SP140: variants seen among roughly 807,000 people sequenced by gnomAD.
SP140 encodes the protein nuclear body protein SP140.
A neutral mutation model predicts 125.0 loss-of-function variants in SP140; 81 were observed. That is an observed-to-expected ratio of 0.65 (90% CI 0.54 to 0.78). SP140 has a LOEUF of 0.78. Ranked by LOEUF, SP140 falls within the 30% of genes least tolerant of loss-of-function variation. The probability of loss-of-function intolerance (pLI) is 0.00; values close to 1 mark genes in which losing one functional copy is unlikely to be tolerated. For synonymous variants in SP140, 312 were observed against 354.0 expected (o/e 0.88, Z 1.33); for missense variants, 858 against 1,037.0 (o/e 0.83, Z 2.37).
At chr2:230,215,468 GC>G (rs2045030742) in intron 3 of SP140, among the ~76,000 whole-genome samples, 1 of 152,202 alleles carries the variant, frequency 6.6e-6, no homozygotes, top group South Asian at 2.1e-4. Flanking sequence ...AAAGCTGTGG[GC>G]AGGATACTTC....
chr2:230,261,261 G>T (rs1326348542), intron 12 of SP140, among the ~76,000 whole-genome samples: 1 of 152,068 alleles, frequency 6.6e-6, no homozygotes, highest in Non-Finnish European at 1.5e-5. Context: ...CTTGGTCACT[G>T]TTGGTATATA....
chr2:230,189,216 C>T, the SP140 span, among the ~76,000 whole-genome samples: 1 of 151,630 alleles, frequency 6.6e-6, no homozygotes, highest in African/African-American at 2.4e-5. Context: ...CTTCTCTCAT[C>T]TTTCTTTTTT....
At chr2:230,217,118 C>T (rs748234347) in intron 3 of SP140, among the ~76,000 whole-genome samples, 6 of 151,770 alleles carry the variant, frequency 4.0e-5, no homozygotes, top group East Asian at 1.9e-4. Context: ...TGGTGGCGCA[C>T]GCCTGTAGTC....
chr2:230,214,123 T>C (rs1411908331), intron 3 of SP140: 4 of 152,254 alleles, frequency 2.6e-5, no homozygotes, highest in Admixed American at 2.6e-4. Context: ...CAACCTAAAA[T>C]GACTTTACTG....
intron 12 of SP140, among the ~76,000 whole-genome samples, chr2:230,268,286 G>A (rs2053423091): frequency 6.6e-6 from 1 of 152,080 alleles, no homozygotes; most frequent in South Asian, 2.1e-4. Flanking sequence ...CACTTTGGGA[G>A]GCCGAGATGA....
At chr2:230,241,341 C>A in intron 3 of SP140, 63 bp from the exon 4 acceptor site, 2 of 994,626 alleles carry the variant, frequency 2.0e-6, no homozygotes, top group Admixed American at 1.7e-5. Flanking sequence ...TCATCTTGAG[C>A]ACACTGAGGT....
intron 1 of SP140, among the ~76,000 whole-genome samples, chr2:230,234,374 T>C (rs955451486): frequency 2.0e-5 from 3 of 152,182 alleles, no homozygotes; most frequent in Non-Finnish European, 4.4e-5. Flanking sequence ...GGAGGTACAA[T>C]CTTACCTTGG....
At chr2:230,199,205 CTT>C (rs35807015), upstream of SP140, among the ~76,000 whole-genome samples, 4 of 89,446 alleles carry the variant, frequency 4.5e-5, no homozygotes, top group Non-Finnish European at 4.2e-5. Context: ...ACATAATCCT[CTT>C]TTTTTTTTTT....
chr2:230,305,217 C>A (rs1206212366), intron 22 of SP140, among the ~76,000 whole-genome samples: 1 of 152,336 alleles, frequency 6.6e-6, no homozygotes, highest in Middle Eastern at 3.4e-3. Flanking sequence ...CCACCTTACT[C>A]CTGCAAGAAT....
At chr2:230,195,938 T>A in the SP140 span, among the ~76,000 whole-genome samples, 1 of 151,958 alleles carries the variant, frequency 6.6e-6, no homozygotes, top group Non-Finnish European at 1.5e-5. Flanking sequence ...AAGCAAAAAA[T>A]ATAAGTTAAA....
intron 9 of SP140, among the ~76,000 whole-genome samples, chr2:230,249,513 T>C (rs1171618623): frequency 3.3e-5 from 5 of 152,076 alleles, no homozygotes; most frequent in African/African-American, 1.2e-4. Flanking sequence ...GAGGAAAATA[T>C]ATAAAATAAG....
intron 15 of SP140, among the ~76,000 whole-genome samples, chr2:230,279,863 TCCTCCTG>T (rs149207840): frequency 0.15 from 23,408 of 151,764 alleles, 2,318 homozygotes; most frequent in South Asian, 0.24. Flanking sequence ...GCTCAAGTAA[TCCTCCTG>T]CCTCAGACTC....
At chr2:230,296,599 G>A (rs758074859) in intron 21 of SP140, among the ~76,000 whole-genome samples, 1 of 152,226 alleles carries the variant, frequency 6.6e-6, no homozygotes, top group Non-Finnish European at 1.5e-5. Context: ...GGACCTTGGA[G>A]GCATTTTATC....
At chr2:230,294,370 T>A in intron 21 of SP140, 52 bp downstream of exon 21, 1 of 1,400,068 alleles carries the variant, frequency 7.1e-7, no homozygotes, top group Non-Finnish European at 1.0e-6. Flanking sequence ...TGATTTAGCA[T>A]GCACAAAATC....
chr2:230,206,182 GCT>G (rs2043777937), intron 1 of SP140, among the ~76,000 whole-genome samples: 1 of 152,076 alleles, frequency 6.6e-6, no homozygotes, highest in African/African-American at 2.4e-5. Flanking sequence ...GCCATCTATT[GCT>G]CTGTTTCCTT....
At chr2:230,264,601 G>C (rs1421601529) in intron 12 of SP140, among the ~76,000 whole-genome samples, 1 of 152,154 alleles carries the variant, frequency 6.6e-6, no homozygotes, top group African/African-American at 2.4e-5. Flanking sequence ...ATTTGGGTAG[G>C]CTCTGTCAGA....
At chr2:230,189,272 G>A in the SP140 span, among the ~76,000 whole-genome samples, 2 of 151,780 alleles carry the variant, frequency 1.3e-5, no homozygotes, top group African/African-American at 4.8e-5. Context: ...ATGACATTAG[G>A]TTGTCAATTT....
downstream of SP140, among the ~76,000 whole-genome samples, chr2:230,315,587 C>T (rs561278714): frequency 5.3e-5 from 8 of 152,082 alleles, no homozygotes; most frequent in Non-Finnish European, 1.2e-4. Flanking sequence ...AATTGGCTGA[C>T]CCGGTTCCTT....
At chr2:230,199,128 CTATTAT>C, upstream of SP140, among the ~76,000 whole-genome samples, 1 of 140,310 alleles carries the variant, frequency 7.1e-6, no homozygotes, top group African/African-American at 2.8e-5. Context: ...GCTTTAGCTA[CTATTAT>C]TATTATTATT....
Sources: gnomAD v4.1 joint callset for allele counts (sites outside exome capture counted in the v4.1 genomes callset) on GRCh38, gnomAD v4.1.1 for gene constraint, MANE v1.5 for transcripts, NCBI Gene and HGNC (gene_info 2026-07-23, HGNC 2026-07-21) for gene names.